The following ELAPOR2 variants were observed in gnomAD, a reference collection of about 807,000 sequenced individuals.
ELAPOR2 encodes the protein endosome-lysosome associated apoptosis and autophagy regulator family member 2.
Under a neutral mutation model 120.7 loss-of-function variants are expected in ELAPOR2, and 89 were observed. The ratio of observed to expected loss-of-function variants is 0.74; its 90% CI spans 0.62 to 0.88. ELAPOR2 has a LOEUF of 0.88. ELAPOR2 is among the 40% of genes least tolerant of loss of function. ELAPOR2 has a pLI of 0.00. For missense variants in ELAPOR2, 1,134 were observed against 1,251.6 expected (o/e 0.91, Z 1.42); for synonymous variants, 444 against 444.9 (o/e 1.00, Z 0.03).
intron 21 of ELAPOR2, among the ~76,000 whole-genome samples, chr7:86,887,726 A>G (rs952696713): frequency 2.0e-5 from 3 of 152,014 alleles, no homozygotes; most frequent in Non-Finnish European, 4.4e-5. Context: ...TCAGAAAGTG[A>G]CTCAAAAAGA....
chr7:86,925,763 G>GA (rs979120360), intron 9 of ELAPOR2, 107 bp from the exon 10 acceptor site: 43 of 1,016,948 alleles, frequency 4.2e-5, no homozygotes, highest in African/African-American at 1.3e-4. Flanking sequence ...GAGAGAAGTG[G>GA]AAAAAAAAGA....
intron 1 of ELAPOR2, among the ~76,000 whole-genome samples, chr7:87,027,507 C>T (rs1312589104): frequency 6.6e-6 from 1 of 152,144 alleles, no homozygotes; most frequent in African/African-American, 2.4e-5. Context: ...TGCTGAAGTC[C>T]TAACTCCTAG....
chr7:87,048,787 T>C (rs1349704695), intron 1 of ELAPOR2, among the ~76,000 whole-genome samples: 1 of 152,212 alleles, frequency 6.6e-6, no homozygotes, highest in African/African-American at 2.4e-5. Context: ...TTAAAAAATG[T>C]TTAAATGTCA....
At chr7:86,987,809 G>A (rs905431209) in intron 1 of ELAPOR2, among the ~76,000 whole-genome samples, 7 of 152,018 alleles carry the variant, frequency 4.6e-5, no homozygotes, top group East Asian at 1.9e-4. Flanking sequence ...AGGATCTAGA[G>A]GTAGAAATAC....
chr7:86,880,654 G>A (rs937530418), intron 21 of ELAPOR2, 124 bp from the exon 22 acceptor site: 3 of 641,546 alleles, frequency 4.7e-6, no homozygotes, highest in Middle Eastern at 4.2e-4. Context: ...CTTGTGATTA[G>A]GATTTTACAG....
intron 1 of ELAPOR2, among the ~76,000 whole-genome samples, chr7:86,990,000 G>A (rs1001024667): frequency 7.2e-5 from 11 of 151,824 alleles, no homozygotes; most frequent in African/African-American, 2.4e-4. Flanking sequence ...GAGAGGTGGC[G>A]CCTTTAAGAG....
chr7:87,001,197 A>T (rs1369861917), intron 1 of ELAPOR2, among the ~76,000 whole-genome samples: 1 of 152,138 alleles, frequency 6.6e-6, no homozygotes, highest in African/African-American at 2.4e-5. Flanking sequence ...CGTGTGTTTA[A>T]ATATCCCTTG....
At chr7:86,988,744 C>T (rs1457625303) in intron 1 of ELAPOR2, among the ~76,000 whole-genome samples, 1 of 152,034 alleles carries the variant, frequency 6.6e-6, no homozygotes. Flanking sequence ...TGTGCCTGAC[C>T]CCCTCCCCTG....
At chr7:86,938,446 G>T (rs758374729) in intron 7 of ELAPOR2, among the ~76,000 whole-genome samples, 4 of 152,004 alleles carry the variant, frequency 2.6e-5, no homozygotes, top group Non-Finnish European at 5.9e-5. Context: ...TTTCCCAGAA[G>T]ATATTAGATT....
At chr7:87,040,221 C>T (rs893122109) in intron 1 of ELAPOR2, among the ~76,000 whole-genome samples, 3 of 152,246 alleles carry the variant, frequency 2.0e-5, no homozygotes, top group Non-Finnish European at 2.9e-5. Flanking sequence ...CCCAGGCTTG[C>T]TTAGGTAAAC....
At chr7:86,955,078 C>T (rs1454432783) in intron 2 of ELAPOR2, among the ~76,000 whole-genome samples, 1 of 151,936 alleles carries the variant, frequency 6.6e-6, no homozygotes, top group African/African-American at 2.4e-5. Context: ...TTTTCACACA[C>T]CAAAAAAGCA....
chr7:86,882,753 G>T (rs1427892786), intron 21 of ELAPOR2, among the ~76,000 whole-genome samples: 1 of 152,140 alleles, frequency 6.6e-6, no homozygotes, highest in East Asian at 1.9e-4. Flanking sequence ...ACACTGGATT[G>T]GAACTTGGGA....
rs1799286914 is a variant in ELAPOR2, at chr7:86,879,240, A to G, written c.*1231T>C. 1 of 152,184 alleles carries G rather than the reference A, an allele frequency of 6.6e-6. No homozygotes were observed. Among genetic ancestry groups the G allele is most frequent in the Admixed American group, 6.5e-5 (1 of 15,268 alleles). 9.4% of individuals were successfully genotyped at this position (152,184 alleles called of 1,614,324 possible). ...CACGAAATTGGTCAAATCCAACTTC[A>G]TTCATACTTCCTTCAACAAATAATA... On this transcript the variant is annotated 3_prime_UTR_variant, in exon 22 of 22. Transcript: ENST00000450689.
At chr7:86,985,031 C>G (rs994668438) in intron 1 of ELAPOR2, among the ~76,000 whole-genome samples, 2 of 152,152 alleles carry the variant, frequency 1.3e-5, no homozygotes, top group Non-Finnish European at 2.9e-5. Context: ...GAAATACAAA[C>G]TATAATCAAA....
intron 1 of ELAPOR2, among the ~76,000 whole-genome samples, chr7:87,025,968 C>T (rs1367821309): frequency 2.6e-5 from 4 of 152,092 alleles, no homozygotes. Context: ...CAAAAGCAAA[C>T]CTTAAACAAA....
At chr7:86,937,657 G>A (rs144747693) in intron 8 of ELAPOR2, among the ~76,000 whole-genome samples, 8 of 152,142 alleles carry the variant, frequency 5.3e-5, no homozygotes, top group African/African-American at 1.9e-4. Context: ...AAAACATACT[G>A]AGTAACCAAA....
chr7:86,932,462 T>C (rs1415160441), intron 8 of ELAPOR2, among the ~76,000 whole-genome samples: 2 of 151,784 alleles, frequency 1.3e-5, no homozygotes, highest in Admixed American at 6.6e-5. Flanking sequence ...AAAGGAAACA[T>C]GTGAATCATG....
At chr7:87,018,639 GC>G (rs1270794388) in intron 1 of ELAPOR2, among the ~76,000 whole-genome samples, 5 of 152,194 alleles carry the variant, frequency 3.3e-5, no homozygotes, top group African/African-American at 1.2e-4. Flanking sequence ...AAAGTTCAAT[GC>G]AAGTTATAAA....
intron 13 of ELAPOR2, 89 bp downstream of exon 13, chr7:86,914,634 C>A (rs536177631): frequency 9.0e-7 from 1 of 1,108,424 alleles, no homozygotes; most frequent in Non-Finnish European, 1.2e-6. Flanking sequence ...GTCCTTTCTT[C>A]CAAATTTGAG....
Sources: gnomAD v4.1 joint callset for allele counts (sites outside exome capture counted in the v4.1 genomes callset) on GRCh38, gnomAD v4.1.1 for gene constraint, MANE v1.5 for transcripts, NCBI Gene and HGNC (gene_info 2026-07-23, HGNC 2026-07-21) for gene names.